Variants in B3GALT1 observed in about 807,000 individuals in gnomAD.
B3GALT1 encodes the protein beta-1,3-galactosyltransferase 1, also known as UDP-Gal:betaGlcNAc beta 1,3-galactosyltransferase, polypeptide 1.
In B3GALT1, 10 loss-of-function variants were observed where a neutral mutation model predicts 23.2. The observed-to-expected ratio is 0.43, with a 90% CI of 0.27 to 0.73. The LOEUF (loss-of-function observed/expected upper bound fraction) is 0.73. Among genes scored for constraint, B3GALT1 ranks in the 30% least tolerant of loss-of-function variants. B3GALT1 has a pLI of 0.21. For synonymous variants in B3GALT1, 156 were observed against 141.5 expected (o/e 1.10, Z -0.73); for missense variants, 299 against 405.4 (o/e 0.74, Z 2.25).
At chr2:167,462,240 T>C (rs893457074) in intron 1 of B3GALT1, among the ~76,000 whole-genome samples, 2 of 152,178 alleles carry the variant, frequency 1.3e-5, no homozygotes, top group Non-Finnish European at 2.9e-5. Flanking sequence ...GAATCTTTAA[T>C]AATGGCCATC....
chr2:167,389,507 C>T (rs1013541963), intron 1 of B3GALT1, among the ~76,000 whole-genome samples: 1 of 152,010 alleles, frequency 6.6e-6, no homozygotes, highest in African/African-American at 2.4e-5. Context: ...GCTGATGCTA[C>T]CGCTGTTAGG....
intron 1 of B3GALT1, among the ~76,000 whole-genome samples, chr2:167,400,419 C>G (rs1698170106): frequency 6.6e-6 from 1 of 151,848 alleles, no homozygotes; most frequent in South Asian, 2.1e-4. Context: ...TTATATTTTG[C>G]TCATATTTTC....
At chr2:167,856,598 G>A (rs181617084) in intron 4 of B3GALT1, among the ~76,000 whole-genome samples, 8 of 152,252 alleles carry the variant, frequency 5.3e-5, no homozygotes, top group Non-Finnish European at 1.0e-4. Context: ...AATCCAAAGC[G>A]GGAGTGAAAG....
At chr2:167,736,795 G>A (rs931842955) in intron 3 of B3GALT1, among the ~76,000 whole-genome samples, 9 of 152,254 alleles carry the variant, frequency 5.9e-5, no homozygotes, top group Admixed American at 4.6e-4. Flanking sequence ...GTAGCCGGGT[G>A]TGGTGGTGCA....
At chr2:167,806,180 T>C (rs1688748422) in intron 3 of B3GALT1, among the ~76,000 whole-genome samples, 1 of 152,228 alleles carries the variant, frequency 6.6e-6, no homozygotes, top group Non-Finnish European at 1.5e-5. Context: ...ATTGATTTTG[T>C]ATCCTGAGAC....
At chr2:167,341,974 C>T (rs2105248547) in intron 1 of B3GALT1, among the ~76,000 whole-genome samples, 1 of 152,248 alleles carries the variant, frequency 6.6e-6, no homozygotes, top group Admixed American at 6.5e-5. Flanking sequence ...ACATTACTTG[C>T]CTGGCCGGAC....
At chr2:167,575,065 A>G (rs958670048) in intron 2 of B3GALT1, among the ~76,000 whole-genome samples, 15 of 151,770 alleles carry the variant, frequency 9.9e-5, no homozygotes, top group African/African-American at 3.4e-4. Context: ...ACTTACAGAA[A>G]GTAGCTTACT....
At chr2:167,321,105 C>A (rs139508871) in intron 1 of B3GALT1, among the ~76,000 whole-genome samples, 8 of 151,922 alleles carry the variant, frequency 5.3e-5, no homozygotes, top group Admixed American at 3.3e-4. Context: ...GCCTTCATGG[C>A]ATTCTCTTTT....
intron 2 of B3GALT1, among the ~76,000 whole-genome samples, chr2:167,491,707 C>G (rs988217865): frequency 6.6e-6 from 1 of 151,170 alleles, no homozygotes; most frequent in African/African-American, 2.4e-5. Context: ...CTCAGCTACT[C>G]GGGAGGCTGA....
chr2:167,522,967 T>A (rs1451022372), intron 2 of B3GALT1, among the ~76,000 whole-genome samples: 1 of 152,068 alleles, frequency 6.6e-6, no homozygotes, highest in Non-Finnish European at 1.5e-5. Flanking sequence ...ATTTCCAATC[T>A]AGGACCAGCC....
chr2:167,805,133 A>G (rs1157128967), intron 3 of B3GALT1, among the ~76,000 whole-genome samples: 2 of 152,094 alleles, frequency 1.3e-5, no homozygotes, highest in African/African-American at 4.8e-5. Context: ...TTCTTGTGAG[A>G]AGTGTCTGTT....
intron 1 of B3GALT1, among the ~76,000 whole-genome samples, chr2:167,415,453 C>A (rs1698454399): frequency 1.3e-5 from 2 of 152,046 alleles, no homozygotes; most frequent in Non-Finnish European, 2.9e-5. Flanking sequence ...TTCAAATATT[C>A]TTTTATAAAT....
intron 2 of B3GALT1, among the ~76,000 whole-genome samples, chr2:167,520,974 A>G (rs934496888): frequency 6.6e-6 from 1 of 152,140 alleles, no homozygotes; most frequent in African/African-American, 2.4e-5. Context: ...GGCACAAACA[A>G]GATTAACTTT....
rs1285487178 is a variant in B3GALT1 at position 167,560,814 on chromosome 2, G to T, written c.-410+70537G>T. Among the ~76,000 whole-genome samples the T allele has an allele frequency of 4.6e-5, 7 of 152,184 alleles. No individual in the cohort carries two copies. The South Asian group carries it at 1.5e-3, about 32-fold the overall frequency. Reference sequence around the variant, plus strand: ...CACCCAGATCCATAAAGCAAGTCCTGGGTGACCTACAAAGAGACTTAGACT... The same window carrying T: ...CACCCAGATCCATAAAGCAAGTCCTTGGTGACCTACAAAGAGACTTAGACT... On this transcript the variant is annotated intron_variant, in intron 2 of 4. Coordinates refer to ENST00000392690, the MANE Select transcript of B3GALT1 (RefSeq NM_020981.4).
At chr2:167,559,833 T>C (rs1289720082) in intron 2 of B3GALT1, among the ~76,000 whole-genome samples, 3 of 152,178 alleles carry the variant, frequency 2.0e-5, no homozygotes, top group Non-Finnish European at 4.4e-5. Flanking sequence ...GTCTGATTGG[T>C]GTACCTCAAA....
chr2:167,534,034 C>T (rs1450948521), intron 2 of B3GALT1, among the ~76,000 whole-genome samples: 1 of 152,016 alleles, frequency 6.6e-6, no homozygotes, highest in Non-Finnish European at 1.5e-5. Flanking sequence ...TGGTAATTTG[C>T]CTTTATTCTG....
chr2:167,418,752 G>A (rs1698504384), intron 1 of B3GALT1, among the ~76,000 whole-genome samples: 2 of 150,926 alleles, frequency 1.3e-5, no homozygotes, highest in African/African-American at 2.4e-5. Context: ...GGCCAGGCTG[G>A]TCTCGAACTC....
intron 2 of B3GALT1, among the ~76,000 whole-genome samples, chr2:167,640,194 G>T (rs1000629950): frequency 6.6e-6 from 1 of 151,860 alleles, no homozygotes; most frequent in Admixed American, 6.6e-5. Flanking sequence ...AAAAAAAATT[G>T]ATCTTGCATC....
intron 1 of B3GALT1, among the ~76,000 whole-genome samples, chr2:167,330,880 T>C (rs1330258318): frequency 6.6e-6 from 1 of 152,186 alleles, no homozygotes; most frequent in Non-Finnish European, 1.5e-5. Flanking sequence ...TTGTATTCCT[T>C]TGAATGTATC....
Sources: allele counts gnomAD v4.1 joint callset (sites outside exome capture counted in the v4.1 genomes callset), GRCh38; gene constraint gnomAD v4.1.1; transcripts MANE v1.5; gene names NCBI Gene and HGNC (gene_info 2026-07-23, HGNC 2026-07-21).